Variants in TECTA observed in about 807,000 individuals in gnomAD.
TECTA encodes the protein tectorin alpha.
TECTA carries 128 observed loss-of-function variants against 216.8 expected under a neutral mutation model. The observed-to-expected ratio is 0.59, with a 90% CI of 0.51 to 0.68. The LOEUF (loss-of-function observed/expected upper bound fraction) is 0.68, where lower values mean the gene tolerates loss of function less well. Among genes scored for constraint, TECTA ranks in the 30% least tolerant of loss-of-function variants. The pLI is 0.00. For synonymous variants in TECTA, 1,089 were observed against 1,117.1 expected (o/e 0.97, Z 0.50); for missense variants, 2,551 against 2,786.2 (o/e 0.92, Z 1.90).
In TECTA at chr11:121,146,030, C is replaced by A. The variant is rs763657792; in HGVS notation, c.4019C>A (p.Thr1340Asn). The change falls in exon 12 of 24, where the codon ACC becomes AAC. Residue 1340 changes from threonine (T) to asparagine (N), a missense_variant. Physicochemically the swap from Thr to Asn is moderately conservative, Grantham distance 65. This residue lies in a region of TECTA where 2,375 missense variants were observed against 2,563.9 expected (regional missense o/e 0.93). Coordinates refer to ENST00000392793, the MANE Select transcript of TECTA (RefSeq NM_005422.4). ...TGCATCGATGGGGGCGCGGTGCAGA[C>A]CGCCTGCAGCTGGCTGCAGAACTAC... ...DSCIDGGAVQ[T>N]ACSWLQNYAS... 6.2e-7 allele frequency: 1 copy of A among 1,613,954 alleles called. No individual in the cohort carries two copies. The highest frequency in any genetic ancestry group is 8.5e-7 in the Non-Finnish European group (1 of 1,180,044).
At chr11:121,118,958 A>G (rs1946528415) in intron 7 of TECTA, among the ~76,000 whole-genome samples, 1 of 151,794 alleles carries the variant, frequency 6.6e-6, no homozygotes, top group Non-Finnish European at 1.5e-5. Context: ...CTTAGAGTAC[A>G]TTTATATTCC....
intron 6 of TECTA, among the ~76,000 whole-genome samples, chr11:121,114,150 G>C (rs962963615): frequency 2.0e-5 from 3 of 152,162 alleles, no homozygotes; most frequent in African/African-American, 4.8e-5. Context: ...AATGGGTGCA[G>C]TTGGAGTATT....
chr11:121,126,982 C>G (rs999863251), intron 8 of TECTA, among the ~76,000 whole-genome samples: 3 of 152,254 alleles, frequency 2.0e-5, no homozygotes, highest in African/African-American at 7.2e-5. Context: ...GCTTTCTTTT[C>G]TGGCTCAATG....
chr11:121,170,226 T>C (rs936856922), intron 20 of TECTA, among the ~76,000 whole-genome samples: 2 of 152,220 alleles, frequency 1.3e-5, no homozygotes, highest in African/African-American at 4.8e-5. Context: ...TGTGTATATA[T>C]ATCACATTTT....
At chr11:121,178,142 A>G (rs528102431) in intron 20 of TECTA, among the ~76,000 whole-genome samples, 2 of 152,338 alleles carry the variant, frequency 1.3e-5, no homozygotes, top group African/African-American at 4.8e-5. Flanking sequence ...AAGTGAGGCA[A>G]TGCCTCGCCC....
rs776376171 is a variant in TECTA at position 121,125,443 on chromosome 11, G to A, written c.1345G>A (p.Val449Ile). ...FDGQHYASISVPGSYINSTCG... is the reference protein window; with the variant it reads ...FDGQHYASISIPGSYINSTCG... ...TGGCCAGCACTACGCCTCCATTTCC[G>A]TCCCAGGCTCCTATATAAACTCCAC... The change falls in exon 8 of 24, where the codon GTC (valine) becomes ATC (isoleucine). Residue 449 changes from valine to isoleucine, a missense_variant. Around this residue, in one of 3 missense-constraint regions of TECTA, gnomAD observed 2,375 missense variants for 2,563.9 expected, o/e 0.93. Transcript: ENST00000392793. 2.0e-5 allele frequency: 32 copies of A among 1,614,022 alleles called. No individual in the cohort carries two copies. Among genetic ancestry groups the A allele is most frequent in the East Asian group, 1.6e-4 (7 of 44,902 alleles).
At chr11:121,161,967 G>A in intron 15 of TECTA, 108 bp from the exon 16 acceptor site, 2 of 1,395,766 alleles carry the variant, frequency 1.4e-6, no homozygotes, top group Non-Finnish European at 2.0e-6. Context: ...GCTAGTGTTG[G>A]AATTGGCACA....
At chr11:121,177,212 T>C (rs1015393187) in intron 20 of TECTA, among the ~76,000 whole-genome samples, 2 of 152,260 alleles carry the variant, frequency 1.3e-5, no homozygotes, top group African/African-American at 4.8e-5. Flanking sequence ...GTTCCGTTGC[T>C]GGTGAGGAGC....
Position 121,168,917 on chromosome 11 carries a change from T to C in TECTA, c.5991T>C (p.Ile1997=). The C allele has an allele frequency of 6.2e-7, 1 of 1,614,180 alleles. No homozygotes were observed. The highest frequency in any genetic ancestry group is 8.5e-7 in the Non-Finnish European group (1 of 1,179,986). The change falls in exon 20 of 24, where the codon ATT becomes ATC. Residue 1997 remains isoleucine, a synonymous_variant. Transcript: ENST00000392793. ...ATGATAAGCTCCGATATTTCATCATTGAAGGAGGGTGAGTAGCCTCTTTAT... is the reference window on the plus strand; with the variant it reads ...ATGATAAGCTCCGATATTTCATCATCGAAGGAGGGTGAGTAGCCTCTTTAT... The part of the protein sequence containing the change: ...DSNDKLRYFI[I]EGGCQNLKDN...
At position 121,145,843 on chromosome 11, in the gene TECTA, C is replaced by A; in HGVS notation, c.3832C>A (p.Gln1278Lys). 6.2e-7 allele frequency: 1 copy of A among 1,614,222 alleles called. No individual in the cohort carries two copies. The highest frequency in any genetic ancestry group is 8.5e-7 in the Non-Finnish European group (1 of 1,180,044). The stretch of plus-strand genomic sequence containing the variant: ...CTGGGTGAAGAGGGACACCTTCTGC[C>A]AGGTGGGCTGTGGGGACCGCTGTCC... ...QSWVKRDTFCQVGCGDRCPSC... is the reference protein window; with the variant it reads ...QSWVKRDTFCKVGCGDRCPSC... The change falls in exon 12 of 24, where the codon CAG (glutamine) becomes AAG (lysine). Residue 1278 changes from glutamine (Q) to lysine (K), a missense_variant. Physicochemically the swap from Gln to Lys is moderately conservative, Grantham distance 53. Around this residue, in one of 3 missense-constraint regions of TECTA, gnomAD observed 2,375 missense variants for 2,563.9 expected, o/e 0.93. Transcript: ENST00000392793.
intron 4 of TECTA, among the ~76,000 whole-genome samples, chr11:121,112,229 G>A (rs1239178247): frequency 6.6e-6 from 1 of 152,192 alleles, no homozygotes; most frequent in Non-Finnish European, 1.5e-5. Context: ...AGTTTCATAT[G>A]AATTTAAGCA....
intron 13 of TECTA, among the ~76,000 whole-genome samples, chr11:121,157,521 C>T (rs766975042): frequency 1.3e-4 from 20 of 152,100 alleles, no homozygotes; most frequent in Non-Finnish European, 1.8e-4. Context: ...TGAGTCCAGG[C>T]GTTCCGGGTT....
chr11:121,133,678 C>T (rs981118622), intron 10 of TECTA, among the ~76,000 whole-genome samples: 1 of 152,216 alleles, frequency 6.6e-6, no homozygotes, highest in Non-Finnish European at 1.5e-5. Context: ...TCCTGAGGAT[C>T]TTCAGCTGTG....
At chr11:121,164,558 T>C (rs1947032368) in intron 16 of TECTA, among the ~76,000 whole-genome samples, 1 of 152,212 alleles carries the variant, frequency 6.6e-6, no homozygotes, top group Admixed American at 6.5e-5. Context: ...ATATTGTTCA[T>C]AATAACATCG....
At chr11:121,135,065 C>A (rs1946712852) in intron 10 of TECTA, among the ~76,000 whole-genome samples, 1 of 152,202 alleles carries the variant, frequency 6.6e-6, no homozygotes, top group Non-Finnish European at 1.5e-5. Flanking sequence ...TTATCTAGAT[C>A]TTGTGCACAT....
At chr11:121,137,337 C>T (rs1946739311) in intron 10 of TECTA, 84 bp from the exon 11 acceptor site, 2 of 1,551,076 alleles carry the variant, frequency 1.3e-6, no homozygotes, top group East Asian at 2.2e-5. Flanking sequence ...CACACATGCA[C>T]TCATACACAC....
chr11:121,187,079 A>G (rs545872070), intron 20 of TECTA, among the ~76,000 whole-genome samples: 7 of 152,324 alleles, frequency 4.6e-5, no homozygotes, highest in Admixed American at 4.6e-4. Flanking sequence ...TTTATAGAAG[A>G]GAGGTTGCCG....
chr11:121,104,948 G>A (rs1219122481), intron 2 of TECTA, among the ~76,000 whole-genome samples: 2 of 152,184 alleles, frequency 1.3e-5, no homozygotes, highest in African/African-American at 4.8e-5. Flanking sequence ...CACCCAAAAT[G>A]TAGATTATTT....
chr11:121,137,577 G>A lies in TECTA; in HGVS notation c.3098G>A (p.Arg1033Gln), dbSNP rs531370547. 3.6e-5 allele frequency: 58 copies of A among 1,613,934 alleles called. No individual in the cohort carries two copies. The highest frequency in any genetic ancestry group is 1.6e-4 in the Middle Eastern group (1 of 6,062). Residue 1033 changes from arginine to glutamine, a missense_variant, in exon 11 of 24, where the codon CGG becomes CAG. Physicochemically the swap from Arg to Gln is conservative, Grantham distance 43. Around this residue, in one of 3 missense-constraint regions of TECTA, gnomAD observed 2,375 missense variants for 2,563.9 expected, o/e 0.93. Coordinates refer to ENST00000392793, the MANE Select transcript of TECTA (RefSeq NM_005422.4). Reference sequence around the variant, plus strand: ...CTACTGGGCAGCCAGTGTGTCACGCGGAGTGAGTGTGGCTGCAACTTTGAG... The same window carrying A: ...CTACTGGGCAGCCAGTGTGTCACGCAGAGTGAGTGTGGCTGCAACTTTGAG... ...YALLGSQCVT[R>Q]SECGCNFEGH... is the part of the protein sequence containing the mutation.
Sources: gnomAD v4.1 joint callset for allele counts (sites outside exome capture counted in the v4.1 genomes callset) on GRCh38, gnomAD v4.1.1 for gene constraint, gnomAD v4.1.1 regional missense constraint, MANE v1.5 for transcripts, NCBI Gene and HGNC (gene_info 2026-07-23, HGNC 2026-07-21) for gene names.